ROBO1: variants seen among roughly 807,000 people sequenced by gnomAD.
The protein encoded by ROBO1 is roundabout guidance receptor 1.
ROBO1 carries 149 observed loss-of-function variants against 195.9 expected under a neutral mutation model. The ratio of observed to expected loss-of-function variants is 0.76; its 90% CI spans 0.67 to 0.87. The LOEUF (loss-of-function observed/expected upper bound fraction) is 0.87. Ranked by LOEUF, ROBO1 falls within the 40% of genes least tolerant of loss-of-function variation. ROBO1 has a pLI of 0.00. For missense variants in ROBO1, 1,933 were observed against 2,068.3 expected, an observed-to-expected ratio of 0.93 and a Z score of 1.27; for synonymous variants, 816 against 733.2, an observed-to-expected ratio of 1.11 and a Z score of -1.82.
At chr3:78,603,859 T>A (rs1326051244) in intron 29 of ROBO1, among the ~76,000 whole-genome samples, 1 of 152,136 alleles carries the variant, frequency 6.6e-6, no homozygotes, top group Non-Finnish European at 1.5e-5. Context: ...TTCCATGGGT[T>A]CCTTGTTTCT....
At chr3:78,919,501 G>A (rs1428247431) in intron 4 of ROBO1, among the ~76,000 whole-genome samples, 1 of 152,178 alleles carries the variant, frequency 6.6e-6, no homozygotes, top group Non-Finnish European at 1.5e-5. Context: ...TGCTAACACG[G>A]TAAGCCAATT....
chr3:78,873,340 C>A (rs2035655349), intron 4 of ROBO1, among the ~76,000 whole-genome samples: 1 of 152,124 alleles, frequency 6.6e-6, no homozygotes, highest in Admixed American at 6.6e-5. Context: ...CCTATCTCTT[C>A]CTTCGAAAAG....
chr3:79,660,707 G>A (rs1560077932), intron 1 of ROBO1, among the ~76,000 whole-genome samples: 1 of 152,060 alleles, frequency 6.6e-6, no homozygotes, highest in African/African-American at 2.4e-5. Flanking sequence ...AGATCAGAGA[G>A]AAATACATTT....
At position 79,051,482 on chromosome 3, in the gene ROBO1, A is replaced by G. The variant is rs570195077; in HGVS notation, c.172+73974T>C. On this transcript the variant is annotated intron_variant, in intron 3 of 30. Coordinates refer to ENST00000464233, the MANE Select transcript of ROBO1 (RefSeq NM_002941.4). ...CAGCTGAATTCTACCACAGGTACAA[A>G]CAAGAGCTGGTACCATTCCTTCTGA... 1.4e-4 allele frequency among the ~76,000 whole-genome samples: 21 copies of G among 152,274 alleles called. No homozygotes were observed. In the East Asian group the frequency reaches 3.9e-3, roughly 28 times the overall value.
chr3:79,415,560 C>A (rs186360646), intron 2 of ROBO1, among the ~76,000 whole-genome samples: 4 of 152,020 alleles, frequency 2.6e-5, no homozygotes, highest in Admixed American at 6.6e-5. Context: ...GAAAGAATAG[C>A]GAGAAATATG....
At chr3:79,740,869 A>G (rs1703614881) in intron 1 of ROBO1, among the ~76,000 whole-genome samples, 1 of 152,236 alleles carries the variant, frequency 6.6e-6, no homozygotes, top group Admixed American at 6.5e-5. Flanking sequence ...TAACATATAC[A>G]TATAGTGATA....
At chr3:78,941,777 G>C (rs2040158700) in intron 3 of ROBO1, among the ~76,000 whole-genome samples, 1 of 152,186 alleles carries the variant, frequency 6.6e-6, no homozygotes, top group South Asian at 2.1e-4. Flanking sequence ...TTCAGAGACT[G>C]TGAAGTGTAA....
At chr3:79,485,007 C>A (rs1341574287) in intron 2 of ROBO1, among the ~76,000 whole-genome samples, 2 of 151,874 alleles carry the variant, frequency 1.3e-5, no homozygotes, top group East Asian at 3.9e-4. Flanking sequence ...CTGCCTTGGC[C>A]TCCCAAAGTG....
intron 1 of ROBO1, among the ~76,000 whole-genome samples, chr3:79,754,720 T>C (rs1283451692): frequency 6.6e-6 from 1 of 152,162 alleles, no homozygotes; most frequent in South Asian, 2.1e-4. Flanking sequence ...AAAATCTTTC[T>C]TTGCTGCTCT....
intron 14 of ROBO1, among the ~76,000 whole-genome samples, chr3:78,663,825 GA>G (rs1707576547): frequency 6.6e-6 from 1 of 152,116 alleles, no homozygotes; most frequent in South Asian, 2.1e-4. Context: ...TTCATGTGTG[GA>G]AAACACACAT....
intron 2 of ROBO1, among the ~76,000 whole-genome samples, chr3:79,198,078 T>C (rs1429067928): frequency 6.6e-6 from 1 of 152,094 alleles, no homozygotes. Context: ...TTTGTTGCCA[T>C]TGCTTTTGGT....
At chr3:78,882,144 C>A (rs947504410) in intron 4 of ROBO1, among the ~76,000 whole-genome samples, 1 of 151,828 alleles carries the variant, frequency 6.6e-6, no homozygotes, top group Non-Finnish European at 1.5e-5. Context: ...AATTTAGGAA[C>A]AGTTTTATAT....
intron 1 of ROBO1, among the ~76,000 whole-genome samples, chr3:79,634,563 A>C (rs1267202880): frequency 6.6e-6 from 1 of 152,220 alleles, no homozygotes; most frequent in East Asian, 1.9e-4. Flanking sequence ...TCTCATTTTA[A>C]TAATCTCTTC....
intron 2 of ROBO1, among the ~76,000 whole-genome samples, chr3:79,536,417 G>T (rs35482950): frequency 0.21 from 29,914 of 143,342 alleles, 3,541 homozygotes; most frequent in African/African-American, 0.34. Context: ...ATATTCCATC[G>T]CTTTCTGTCA....
chr3:79,407,597 AG>A (rs2037598520), intron 2 of ROBO1, among the ~76,000 whole-genome samples: 1 of 152,100 alleles, frequency 6.6e-6, no homozygotes, highest in African/African-American at 2.4e-5. Flanking sequence ...CTTATTTAAT[AG>A]GTGTTATTTT....
chr3:78,728,637 C>T (rs967442527), intron 5 of ROBO1, among the ~76,000 whole-genome samples: 2 of 151,930 alleles, frequency 1.3e-5, no homozygotes, highest in African/African-American at 4.8e-5. Context: ...AAAAGGACAC[C>T]GGGGCAAGTA....
chr3:79,302,859 A>G (rs952551183), intron 2 of ROBO1, among the ~76,000 whole-genome samples: 1 of 152,144 alleles, frequency 6.6e-6, no homozygotes, highest in Non-Finnish European at 1.5e-5. Flanking sequence ...TAAGTGTGGT[A>G]TTCAGTTTGA....
At chr3:78,788,575 C>CTT (rs1262646782) in intron 4 of ROBO1, among the ~76,000 whole-genome samples, 2 of 151,452 alleles carry the variant, frequency 1.3e-5, no homozygotes, top group African/African-American at 4.8e-5. Flanking sequence ...TTCCAAAGGG[C>CTT]TTTTATATAT....
At chr3:79,521,003 T>C (rs1941184603) in intron 2 of ROBO1, among the ~76,000 whole-genome samples, 1 of 152,010 alleles carries the variant, frequency 6.6e-6, no homozygotes. Flanking sequence ...AAAGAGAAAA[T>C]ATGCATTTTA....
Sources: allele counts gnomAD v4.1 joint callset (sites outside exome capture counted in the v4.1 genomes callset), GRCh38; gene constraint gnomAD v4.1.1; transcripts MANE v1.5; gene names NCBI Gene and HGNC (gene_info 2026-07-23, HGNC 2026-07-21).